Variants in CHRM3 observed in about 807,000 individuals in gnomAD.
CHRM3 encodes cholinergic receptor muscarinic 3, also known as muscarinic acetylcholine receptor M3.
CHRM3 carries 11 observed loss-of-function variants against 41.8 expected under a neutral mutation model. That is an observed-to-expected ratio of 0.26 (90% CI 0.17 to 0.44). The LOEUF is 0.44. CHRM3 is among the 20% of genes least tolerant of loss of function. The probability of loss-of-function intolerance (pLI) is 1.00; values close to 1 mark genes in which losing one functional copy is unlikely to be tolerated. For synonymous variants in CHRM3, 297 were observed against 301.4 expected (o/e 0.99, Z 0.15); for missense variants, 571 against 745.4 (o/e 0.77, Z 2.72).
chr1:239,516,563 A>T (rs1669285141), intron 2 of CHRM3, among the ~76,000 whole-genome samples: 1 of 152,232 alleles, frequency 6.6e-6, no homozygotes, highest in South Asian at 2.1e-4. Context: ...TAGCTGTATG[A>T]GATAGCAGGC....
At chr1:239,552,507 T>TATATATATATATATA (rs1553325442) in intron 3 of CHRM3, among the ~76,000 whole-genome samples, 46 of 145,884 alleles carry the variant, frequency 3.2e-4, no homozygotes, top group African/African-American at 1.0e-3. Context: ...AATATATATT[T>TATATATATATATATA]TATATATATA....
At chr1:239,667,699 A>G (rs1673951254) in intron 4 of CHRM3, among the ~76,000 whole-genome samples, 1 of 152,140 alleles carries the variant, frequency 6.6e-6, no homozygotes, top group South Asian at 2.1e-4. Context: ...AAGCTGTCTA[A>G]ATATGTTCTG....
rs1239078187 is a variant in CHRM3, at chr1:239,910,116, G to T, written c.*892G>T. On this transcript the variant is annotated 3_prime_UTR_variant, in exon 7 of 7. Transcript: ENST00000676153. ...TGAGCGCCGTGGCTTCGCCAGACTT[G>T]GTGTTAAGCAACCTCCTTTGTTGAT... is the stretch of plus-strand genomic sequence containing the variant. 3 of 166,906 alleles carry T rather than the reference G, an allele frequency of 1.8e-5. No homozygotes were observed. The East Asian group carries it at 5.8e-4, about 32-fold the overall frequency. 10.3% of individuals were successfully genotyped at this position (166,906 alleles called of 1,614,324 possible).
chr1:239,472,839 T>C (rs1666218613), intron 1 of CHRM3, among the ~76,000 whole-genome samples: 1 of 152,102 alleles, frequency 6.6e-6, no homozygotes, highest in African/African-American at 2.4e-5. Flanking sequence ...ATGTTTATCT[T>C]TGTAACAGAC....
intron 6 of CHRM3, among the ~76,000 whole-genome samples, chr1:239,864,553 C>G (rs1338496876): frequency 6.9e-6 from 1 of 144,006 alleles, no homozygotes; most frequent in African/African-American, 2.9e-5. Context: ...CACGCACACA[C>G]ACACACATAT....
At chr1:239,424,430 T>C (rs1255941431) in intron 1 of CHRM3, among the ~76,000 whole-genome samples, 5 of 152,156 alleles carry the variant, frequency 3.3e-5, no homozygotes, top group Non-Finnish European at 7.3e-5. Context: ...ACCTCAGGAA[T>C]GGGAACAACC....
chr1:239,854,182 A>G (rs553883038), intron 6 of CHRM3, among the ~76,000 whole-genome samples: 2 of 152,260 alleles, frequency 1.3e-5, no homozygotes, highest in South Asian at 4.1e-4. Flanking sequence ...GGCAATATAA[A>G]CGAAGAGACC....
At chr1:239,577,679 A>G (rs1448806313) in intron 3 of CHRM3, among the ~76,000 whole-genome samples, 1 of 152,236 alleles carries the variant, frequency 6.6e-6, no homozygotes, top group Non-Finnish European at 1.5e-5. Context: ...TACCTGTTCC[A>G]TTATAGAATC....
intron 6 of CHRM3, among the ~76,000 whole-genome samples, chr1:239,881,127 C>G (rs553852287): frequency 1.3e-5 from 2 of 151,544 alleles, no homozygotes; most frequent in South Asian, 4.2e-4. Flanking sequence ...ACAAAAAATA[C>G]AAAAAATTAG....
intron 3 of CHRM3, chr1:239,629,372 C>CGA (rs1257185718): frequency 2.4e-5 from 3 of 127,106 alleles, no homozygotes; most frequent in Non-Finnish European, 4.8e-5. Flanking sequence ...GCGCACGGTG[C>CGA]GCGCACACAC....
In CHRM3 at chr1:239,868,234, C is replaced by T. The variant is rs549879674; in HGVS notation, c.-19-39199C>T. On this transcript the variant is annotated intron_variant, in intron 6 of 6. Coordinates refer to ENST00000676153, the MANE Select transcript of CHRM3 (RefSeq NM_001375978.1). ...GAAGGGAACTCCTGCGGCGTGATGC[C>T]GTGAGTGGCCTCTCGTGACCTTCGG... Among the ~76,000 whole-genome samples, 6 of 152,300 alleles carry T rather than the reference C, an allele frequency of 3.9e-5. No individual in the cohort carries two copies. The South Asian group carries it at 1.2e-3, about 32-fold the overall frequency.
At chr1:239,414,241 T>C (rs1056667920) in intron 1 of CHRM3, among the ~76,000 whole-genome samples, 2 of 152,224 alleles carry the variant, frequency 1.3e-5, no homozygotes, top group Non-Finnish European at 2.9e-5. Flanking sequence ...TAATTTGGTA[T>C]TGAACACATA....
At chr1:239,506,830 A>G (rs1668604263) in intron 2 of CHRM3, among the ~76,000 whole-genome samples, 1 of 152,152 alleles carries the variant, frequency 6.6e-6, no homozygotes, top group Non-Finnish European at 1.5e-5. Context: ...GCCCAAGACC[A>G]TGGGAACCCA....
rs140545853 is a variant in CHRM3, at chr1:239,908,803, C to T, written c.1352C>T (p.Thr451Met). The T allele has an allele frequency of 7.8e-4, 1,253 of 1,614,000 alleles. 1 individual carries two copies. The highest frequency in any genetic ancestry group is 1.0e-3 in the Non-Finnish European group (1,186 of 1,180,040). ...SDVNSSVGKSTATLPLSFKEA... is the reference protein window; with the variant it reads ...SDVNSSVGKSMATLPLSFKEA... ...GTCAACTCCTCAGTGGGTAAGAGCA[C>T]GGCCACTCTACCTCTGTCCTTCAAG... The change falls in exon 7 of 7, where the codon ACG becomes ATG. Residue 451 changes from threonine (T) to methionine (M), a missense_variant. Thr to Met is a moderately conservative substitution (Grantham distance 81). Around this residue, in one of 5 missense-constraint regions of CHRM3, gnomAD observed 239 missense variants for 239.6 expected, o/e 1.00. Transcript: ENST00000676153. The surrounding 1 kb of genome is among the most constrained non-coding windows in gnomAD (Gnocchi z 7.2).
chr1:239,464,714 C>T (rs1409512410), intron 1 of CHRM3, among the ~76,000 whole-genome samples: 1 of 152,102 alleles, frequency 6.6e-6, no homozygotes, highest in Non-Finnish European at 1.5e-5. Context: ...ATTTCCAGTC[C>T]TGGGCCTCAT....
chr1:239,623,434 A>C (rs1474387141), intron 3 of CHRM3, among the ~76,000 whole-genome samples: 1 of 150,806 alleles, frequency 6.6e-6, no homozygotes, highest in Non-Finnish European at 1.5e-5. Context: ...CCTACAAAGG[A>C]CATGAACTCA....
At chr1:239,504,675 A>G (rs1406640380) in intron 2 of CHRM3, among the ~76,000 whole-genome samples, 2 of 152,204 alleles carry the variant, frequency 1.3e-5, no homozygotes, top group Non-Finnish European at 2.9e-5. Context: ...ATGCCCATCA[A>G]TCAATGAGTG....
intron 3 of CHRM3, among the ~76,000 whole-genome samples, chr1:239,568,085 G>A (rs1307398450): frequency 6.6e-6 from 1 of 152,258 alleles, no homozygotes; most frequent in South Asian, 2.1e-4. Flanking sequence ...CGGCTGCAGA[G>A]CAACCCCCAC....
At chr1:239,516,186 TAG>T (rs1298545753) in intron 2 of CHRM3, among the ~76,000 whole-genome samples, 1 of 152,206 alleles carries the variant, frequency 6.6e-6, no homozygotes, top group Non-Finnish European at 1.5e-5. Context: ...AAAGAATTTA[TAG>T]TATGAACAGA....
Sources: gnomAD v4.1 joint callset for allele counts (sites outside exome capture counted in the v4.1 genomes callset) on GRCh38, gnomAD v4.1.1 for gene constraint, gnomAD v4.1.1 regional missense constraint, Gnocchi (gnomAD v3.1) non-coding constraint, MANE v1.5 for transcripts, NCBI Gene and HGNC (gene_info 2026-07-23, HGNC 2026-07-21) for gene names.